HECW1: variants seen among roughly 807,000 people sequenced by gnomAD.
HECW1 encodes HECT, C2 and WW domain containing E3 ubiquitin protein ligase 1, also known as E3 ubiquitin-protein ligase HECW1.
A neutral mutation model predicts 182.3 loss-of-function variants in HECW1; 61 were observed. The observed-to-expected ratio is 0.33, with a 90% CI of 0.27 to 0.41. The LOEUF is 0.41. Ranked by LOEUF, HECW1 falls within the 10% of genes least tolerant of loss-of-function variation. The pLI is 1.00. For missense variants in HECW1, 1,739 were observed against 2,108.9 expected (o/e 0.82, Z 3.44); for synonymous variants, 859 against 832.6 (o/e 1.03, Z -0.55).
At chr7:43,378,568 G>T (rs182602024) in intron 6 of HECW1, among the ~76,000 whole-genome samples, 145 of 152,330 alleles carry the variant, frequency 9.5e-4, no homozygotes, top group Non-Finnish European at 1.3e-4. Context: ...ACTTTGGGAG[G>T]CCAAGGCGGG....
At chr7:43,278,259 C>T (rs66693536) in intron 3 of HECW1, among the ~76,000 whole-genome samples, 20,986 of 152,030 alleles carry the variant, frequency 0.14, 1,848 homozygotes, top group South Asian at 0.26. Flanking sequence ...CAGTGAACAG[C>T]GATTCCCTCC....
chr7:43,507,005 A>G (rs7810051), intron 21 of HECW1, 132 bp from the exon 22 acceptor site: 246,235 of 1,059,214 alleles, frequency 0.23, 29,954 homozygotes, highest in South Asian at 0.32. Context: ...AGGAGGTGGA[A>G]GTTGCGGTAA....
chr7:43,506,171 T>C (rs78440952), intron 21 of HECW1, among the ~76,000 whole-genome samples: 1,909 of 152,326 alleles, frequency 0.013, 32 homozygotes, highest in African/African-American at 0.044. Context: ...TAATCTAATA[T>C]AAACTCCTAA....
intron 2 of HECW1, among the ~76,000 whole-genome samples, chr7:43,235,343 G>A (rs1013902472): frequency 6.6e-6 from 1 of 152,170 alleles, no homozygotes; most frequent in Non-Finnish European, 1.5e-5. Context: ...CTTCAGACCA[G>A]GAAAAGTGTT....
At chr7:43,462,028 TA>T (rs1031717005) in intron 13 of HECW1, among the ~76,000 whole-genome samples, 1 of 152,184 alleles carries the variant, frequency 6.6e-6, no homozygotes, top group East Asian at 1.9e-4. Context: ...GAGACTACAG[TA>T]AAAAAAGCTT....
In HECW1 at chr7:43,308,038, ATTG is replaced by A. The variant is rs199510892; in HGVS notation, c.28-3723_28-3721del. On this transcript the variant is annotated intron_variant, in intron 3 of 29. Transcript: ENST00000395891. ...GTATATATAATATATTATATATTATATTGTATTATATATAATACAACATATAAT... is the reference window on the plus strand; with the variant it reads ...GTATATATAATATATTATATATTATATATTATATATAATACAACATATAAT... Among the ~76,000 whole-genome samples the A allele has an allele frequency of 1.6e-3, 179 of 115,124 alleles. 2 individuals carry two copies. Among genetic ancestry groups the A allele is most frequent in the African/African-American group, 6.0e-3 (166 of 27,592 alleles). 75.5% of individuals were successfully genotyped at this position (115,124 alleles called of 152,430 possible). A position where few individuals can be genotyped will look rare whatever the true frequency, so the allele number is the denominator to read the frequency against.
At chr7:43,337,851 T>A (rs1041158054) in intron 5 of HECW1, among the ~76,000 whole-genome samples, 1 of 152,222 alleles carries the variant, frequency 6.6e-6, no homozygotes, top group Non-Finnish European at 1.5e-5. Context: ...CTGTGAAGGC[T>A]GCATTTGCAG....
At chr7:43,127,959 A>G (rs1003948217) in intron 2 of HECW1, among the ~76,000 whole-genome samples, 1 of 152,016 alleles carries the variant, frequency 6.6e-6, no homozygotes, top group Non-Finnish European at 1.5e-5. Flanking sequence ...GCTCACTGCA[A>G]CCTCGGCTTC....
At chr7:43,360,851 C>A in intron 5 of HECW1, 35 bp from the exon 6 acceptor site, 1 of 1,501,056 alleles carries the variant, frequency 6.7e-7, no homozygotes, top group Non-Finnish European at 9.3e-7. Flanking sequence ...GGGTTACACC[C>A]TACTTCTCAG....
Position 43,145,316 on chromosome 7 carries a change from G to A in HECW1, c.-32+30925G>A, listed in dbSNP as rs902537961. On this transcript the variant is annotated intron_variant, in intron 2 of 29. Coordinates refer to ENST00000395891, the MANE Select transcript of HECW1 (RefSeq NM_015052.5). Reference sequence around the variant, plus strand: ...TTCTTTCATACACGTATATATTTGAGACAGGGTCTCGCTGTCTTGCCCAGG... The same window carrying A: ...TTCTTTCATACACGTATATATTTGAAACAGGGTCTCGCTGTCTTGCCCAGG... Among the ~76,000 whole-genome samples, 14 of 152,162 alleles carry A rather than the reference G, an allele frequency of 9.2e-5. 1 individual carries two copies. The highest frequency in any genetic ancestry group is 5.9e-5 in the Non-Finnish European group (4 of 68,040).
rs186584555 is a variant in HECW1 at position 43,279,589 on chromosome 7, C to G, written c.28-32174C>G. On this transcript the variant is annotated intron_variant, in intron 3 of 29. Transcript: ENST00000395891. ...GAATTCCCATCTTCATACCTTTGCA[C>G]AGGCTATGCGTCTGCCTAGAATGTG... 2.6e-3 allele frequency among the ~76,000 whole-genome samples: 397 copies of G among 152,280 alleles called. 5 individuals carry two copies. The highest frequency in any genetic ancestry group is 2.5e-3 in the Non-Finnish European group (168 of 68,026).
At chr7:43,318,624 A>C (rs1292320986) in intron 4 of HECW1, among the ~76,000 whole-genome samples, 1 of 152,248 alleles carries the variant, frequency 6.6e-6, no homozygotes, top group East Asian at 1.9e-4. Context: ...AGACTATAGA[A>C]GTGACACTAT....
chr7:43,368,794 G>T (rs150279988), intron 6 of HECW1, among the ~76,000 whole-genome samples: 6 of 152,034 alleles, frequency 3.9e-5, no homozygotes, highest in Admixed American at 3.3e-4. Flanking sequence ...TAGTGTAGGG[G>T]TGGGTGGTTT....
chr7:43,372,710 A>T (rs1222111379), intron 6 of HECW1, among the ~76,000 whole-genome samples: 3 of 151,842 alleles, frequency 2.0e-5, no homozygotes, highest in Admixed American at 2.0e-4. Context: ...ATATTTTTAA[A>T]TTTTTTTTAA....
intron 24 of HECW1, among the ~76,000 whole-genome samples, chr7:43,531,536 A>G (rs1387669134): frequency 6.6e-6 from 1 of 152,160 alleles, no homozygotes; most frequent in Admixed American, 6.5e-5. Context: ...CCTCCATGTC[A>G]TGCCCTCCTC....
intron 5 of HECW1, among the ~76,000 whole-genome samples, chr7:43,348,612 C>G (rs1408361308): frequency 6.6e-6 from 1 of 151,766 alleles, no homozygotes; most frequent in Non-Finnish European, 1.5e-5. Context: ...CTTAAACTGT[C>G]TGTGCTCTTT....
intron 2 of HECW1, among the ~76,000 whole-genome samples, chr7:43,171,843 G>T (rs767047311): frequency 6.6e-6 from 1 of 152,028 alleles, no homozygotes; most frequent in Non-Finnish European, 1.5e-5. Context: ...ATGCTTTTGG[G>T]GTCTTTCTTT....
At chr7:43,152,325 T>A (rs1789421597) in intron 2 of HECW1, among the ~76,000 whole-genome samples, 1 of 152,198 alleles carries the variant, frequency 6.6e-6, no homozygotes, top group Admixed American at 6.5e-5. Context: ...ATCTCACAGG[T>A]AAGCCAAAAT....
intron 3 of HECW1, among the ~76,000 whole-genome samples, chr7:43,268,597 C>T (rs1407452352): frequency 6.6e-6 from 1 of 152,206 alleles, no homozygotes; most frequent in African/African-American, 2.4e-5. Context: ...CAAAATGTTA[C>T]CAGTGCCAAC....
Sources: allele counts gnomAD v4.1 joint callset (sites outside exome capture counted in the v4.1 genomes callset), GRCh38; gene constraint gnomAD v4.1.1; transcripts MANE v1.5; gene names NCBI Gene and HGNC (gene_info 2026-07-23, HGNC 2026-07-21).